ZNF514: variants seen among roughly 807,000 people sequenced by gnomAD.
ZNF514 encodes the protein zinc finger protein 514.
ZNF514 carries 12 observed loss-of-function variants against 9.7 expected under a neutral mutation model. The ratio of observed to expected loss-of-function variants is 1.24; its 90% CI spans 0.79 to 2.01. ZNF514 has a LOEUF of 2.01. Ranked by LOEUF, ZNF514 falls within the 30% of genes most tolerant of loss-of-function variation. The probability of loss-of-function intolerance (pLI) is 0.00; values close to 1 mark genes in which losing one functional copy is unlikely to be tolerated. For synonymous variants in ZNF514, 158 were observed against 163.7 expected, an observed-to-expected ratio of 0.97 and a Z score of 0.27; for missense variants, 467 against 465.5, an observed-to-expected ratio of 1.00 and a Z score of -0.03.
chr2:95,132,128 G>C, the ZNF514 span, among the ~76,000 whole-genome samples: 98 of 112,960 alleles, frequency 8.7e-4, 2 homozygotes, highest in East Asian at 0.029. Context: ...CTGGACGACA[G>C]AGCAAGACTC....
rs768586988 is a variant in ZNF514, at chr2:95,147,463, G to A, written c.*1819C>T. On this transcript the variant is annotated 3_prime_UTR_variant, in exon 5 of 5. Coordinates refer to ENST00000295208, the MANE Select transcript of ZNF514 (RefSeq NM_032788.3). The stretch of plus-strand genomic sequence containing the variant: ...CACCATCTAGTTTTAGAACATTTTC[G>A]TCACCCTAAAAAGATTCCTTGTAAC... 14 of 152,126 alleles carry A rather than the reference G, an allele frequency of 9.2e-5. No individual in the cohort carries two copies. The East Asian group carries it at 9.6e-4, about 10-fold the overall frequency. 9.4% of individuals were successfully genotyped at this position (152,126 alleles called of 1,614,324 possible).
rs560996852 is a variant in ZNF514, at chr2:95,156,878, A to G, written c.-7+473T>C. 8.4e-4 allele frequency among the ~76,000 whole-genome samples: 128 copies of G among 152,258 alleles called. 2 individuals are homozygous for G. The South Asian group carries it at 0.026, about 31-fold the overall frequency. The stretch of plus-strand genomic sequence containing the variant: ...CTTCAAATAGCCTGCCCACCTGTCC[A>G]TACCCTCAGAACCTGCTTGTCCCCA... On this transcript the variant is annotated intron_variant, in intron 2 of 4. Coordinates refer to ENST00000295208, the MANE Select transcript of ZNF514 (RefSeq NM_032788.3).
At chr2:95,129,843 A>G in the ZNF514 span, among the ~76,000 whole-genome samples, 2 of 152,196 alleles carry the variant, frequency 1.3e-5, no homozygotes, top group Admixed American at 6.5e-5. Flanking sequence ...GGGGAAGTTC[A>G]AACCTAAGGG....
chr2:95,130,508 A>G, the ZNF514 span, among the ~76,000 whole-genome samples: 3 of 152,202 alleles, frequency 2.0e-5, no homozygotes, highest in Non-Finnish European at 4.4e-5. Flanking sequence ...GACCTCTGCA[A>G]TCTCGACCAT....
chr2:95,132,380 A>G, the ZNF514 span, among the ~76,000 whole-genome samples: 1 of 152,168 alleles, frequency 6.6e-6, no homozygotes, highest in African/African-American at 2.4e-5. Flanking sequence ...ATGTCCCACC[A>G]TATTAGCCAT....
intron 2 of ZNF514, chr2:95,154,444 G>C (rs1302610786): frequency 6.6e-6 from 1 of 152,262 alleles, no homozygotes; most frequent in East Asian, 1.9e-4. Flanking sequence ...GATGACACTG[G>C]CATCCAGGCC....
At chr2:95,156,301 TC>T (rs1673684734) in intron 2 of ZNF514, among the ~76,000 whole-genome samples, 1 of 151,888 alleles carries the variant, frequency 6.6e-6, no homozygotes, top group South Asian at 2.1e-4. Context: ...CAAACCTGAA[TC>T]CCCCCTGAGG....
At chr2:95,134,141 T>G in the ZNF514 span, among the ~76,000 whole-genome samples, 2 of 152,100 alleles carry the variant, frequency 1.3e-5, no homozygotes, top group Non-Finnish European at 2.9e-5. Flanking sequence ...CAAATTTTTT[T>G]ATTGGGAGTT....
chr2:95,146,707 A>C lies in ZNF514; in HGVS notation c.*2575T>G, dbSNP rs1223241238. 6.6e-6 allele frequency among the ~76,000 whole-genome samples: 1 copy of C among 151,490 alleles called. No homozygotes were observed. The highest frequency in any genetic ancestry group is 6.6e-5 in the Admixed American group (1 of 15,160). ...ACTGGTAAGTATGGTTAATATGGCAAGGATACATGAGAAGAGGAGACAGAT... is the reference window on the plus strand; with the variant it reads ...ACTGGTAAGTATGGTTAATATGGCACGGATACATGAGAAGAGGAGACAGAT... On this transcript the variant is annotated 3_prime_UTR_variant, in exon 5 of 5. Coordinates refer to ENST00000295208, the MANE Select transcript of ZNF514 (RefSeq NM_032788.3).
In ZNF514 at chr2:95,149,831, T is replaced by C. The variant is rs777989184; in HGVS notation, c.654A>G (p.Glu218=). Residue 218 remains glutamate, a synonymous_variant, in exon 5 of 5, where the codon GAA becomes GAG. Coordinates refer to ENST00000295208, the MANE Select transcript of ZNF514 (RefSeq NM_032788.3). The part of the protein sequence containing the change: ...ECGKSFHFQS[E]LRRHQRCHTG... Reference sequence around the variant, plus strand: ...TGTGACATCGCTGATGGCGCCTAAGTTCTGACTGGAAGTGAAAGGACTTCC... The same window carrying C: ...TGTGACATCGCTGATGGCGCCTAAGCTCTGACTGGAAGTGAAAGGACTTCC... 6.2e-7 allele frequency: 1 copy of C among 1,614,254 alleles called. No individual in the cohort carries two copies.
rs1405900582 is a variant in ZNF514 at position 95,146,319 on chromosome 2, T to G, written c.*2963A>C. 1.3e-5 allele frequency among the ~76,000 whole-genome samples: 2 copies of G among 150,810 alleles called. No homozygotes were observed. The highest frequency in any genetic ancestry group is 3.0e-5 in the Non-Finnish European group (2 of 67,284). On this transcript the variant is annotated 3_prime_UTR_variant, in exon 5 of 5. Coordinates refer to ENST00000295208, the MANE Select transcript of ZNF514 (RefSeq NM_032788.3). Reference sequence around the variant, plus strand: ...CTAGATATTGTCCATTTTTAAAAACTTACACAAACAAATATGTTTATGATT... The same window carrying G: ...CTAGATATTGTCCATTTTTAAAAACGTACACAAACAAATATGTTTATGATT...
chr2:95,156,404 G>A (rs1558703533), intron 2 of ZNF514, among the ~76,000 whole-genome samples: 1 of 152,238 alleles, frequency 6.6e-6, no homozygotes, highest in Non-Finnish European at 1.5e-5. Context: ...AACATGAGGC[G>A]GCTCTATGAT....
At chr2:95,150,377 A>G (rs1362381452) in intron 4 of ZNF514, 110 bp from the exon 5 acceptor site, 2 of 1,265,432 alleles carry the variant, frequency 1.6e-6, no homozygotes, top group African/African-American at 3.0e-5. Context: ...CTTTAAAATA[A>G]CACCTAAAAG....
the ZNF514 span, among the ~76,000 whole-genome samples, chr2:95,123,134 A>C: frequency 4.3e-3 from 650 of 152,298 alleles, 12 homozygotes; most frequent in African/African-American, 0.015. Flanking sequence ...TTTATTCATG[A>C]GTCCATTTGG....
the ZNF514 span, among the ~76,000 whole-genome samples, chr2:95,129,378 C>T: frequency 6.6e-6 from 1 of 152,130 alleles, no homozygotes; most frequent in African/African-American, 2.4e-5. Context: ...CTTCCCAGCT[C>T]AGCTTGATGA....
At position 95,147,596 on chromosome 2, in the gene ZNF514, G is replaced by A. The variant is rs533754664; in HGVS notation, c.*1686C>T. ...TCTGCCTTCTTTCACTTAGAATCAC[G>A]TTTTTGAGATCTGGATTGTGCATAA... On this transcript the variant is annotated 3_prime_UTR_variant, in exon 5 of 5. Coordinates refer to ENST00000295208, the MANE Select transcript of ZNF514 (RefSeq NM_032788.3). 6.7e-6 allele frequency: 1 copy of A among 149,994 alleles called. No homozygotes were observed. Among genetic ancestry groups the A allele is most frequent in the Non-Finnish European group, 1.5e-5 (1 of 67,668 alleles). The allele number at this position is 149,994 out of a possible 1,614,324, so 9.3% of individuals were successfully genotyped here.
At chr2:95,134,906 C>T in the ZNF514 span, among the ~76,000 whole-genome samples, 3,950 of 152,274 alleles carry the variant, frequency 0.026, 307 homozygotes, top group Admixed American at 0.15. Context: ...ACCATAGACA[C>T]ATAGGTTTAT....
chr2:95,158,819 T>C (rs1313866377), intron 1 of ZNF514: 13 of 1,277,522 alleles, frequency 1.0e-5, no homozygotes, highest in Non-Finnish European at 1.3e-5. Context: ...TCTGGAAGGT[T>C]AGATGTCGCC....
rs1411761104 is a variant in ZNF514, at chr2:95,147,665, G to A, written c.*1617C>T. 6.7e-6 allele frequency: 1 copy of A among 148,472 alleles called. No homozygotes were observed. The highest frequency in any genetic ancestry group is 1.5e-5 in the Non-Finnish European group (1 of 67,518). 9.2% of individuals were successfully genotyped at this position (148,472 alleles called of 1,614,324 possible). A position where few individuals can be genotyped will look rare whatever the true frequency, so the allele number is the denominator to read the frequency against. On this transcript the variant is annotated 3_prime_UTR_variant, in exon 5 of 5. Transcript: ENST00000295208. ...TTTTTTTTTTTTTTTCTGAGACGGA[G>A]TCTCACTCTGTCTCCCAGGCTGGAG...
Sources: allele counts gnomAD v4.1 joint callset (sites outside exome capture counted in the v4.1 genomes callset), GRCh38; gene constraint gnomAD v4.1.1; transcripts MANE v1.5; gene names NCBI Gene and HGNC (gene_info 2026-07-23, HGNC 2026-07-21).